Variants in KIF1B observed in about 807,000 individuals in gnomAD.
KIF1B encodes the protein kinesin family member 1B, also known as kinesin-like protein KIF1B.
A neutral mutation model predicts 241.9 loss-of-function variants in KIF1B; 76 were observed. The observed-to-expected ratio is 0.31, with a 90% confidence interval of 0.26 to 0.38. The LOEUF (loss-of-function observed/expected upper bound fraction) is 0.38. Ranked by LOEUF, KIF1B falls within the 10% of genes least tolerant of loss-of-function variation. The pLI is 1.00. For synonymous variants in KIF1B, 750 were observed against 796.7 expected, an observed-to-expected ratio of 0.94 and a Z score of 0.99; for missense variants, 1,622 against 2,271.4, an observed-to-expected ratio of 0.71 and a Z score of 5.81.
At chr1:10,272,818 T>C (rs1648877413) in intron 9 of KIF1B, among the ~76,000 whole-genome samples, 196 bp from the exon 10 acceptor site, 1 of 152,134 alleles carries the variant, frequency 6.6e-6, no homozygotes, top group Non-Finnish European at 1.5e-5. Flanking sequence ...CTTTGTTGTC[T>C]ACATTATTTA....
intron 39 of KIF1B, 107 bp from the exon 40 acceptor site, chr1:10,361,585 C>T (rs901195773): frequency 7.4e-7 from 1 of 1,353,772 alleles, no homozygotes; most frequent in Non-Finnish European, 1.0e-6. Context: ...GAGCTAAAAT[C>T]CTTCAGTTCT....
intron 32 of KIF1B, among the ~76,000 whole-genome samples, chr1:10,340,495 A>G (rs1183949983): frequency 6.6e-6 from 1 of 152,200 alleles, no homozygotes. Context: ...TTACCTTTAT[A>G]CCATAGATTA....
Position 10,374,856 on chromosome 1 carries a change from C to T in KIF1B, c.5099C>T (p.Ser1700Leu), listed in dbSNP as rs767817087. The T allele has an allele frequency of 1.2e-6, 2 of 1,613,674 alleles. No individual in the cohort carries two copies. The highest frequency in any genetic ancestry group is 3.3e-5 in the Admixed American group (2 of 59,994). ...VPDIEEIRPS[S>L]VVSKKGYLHF... ...TTTTGTCATATTGTCGTTTTTAGCT[C>T]AGTGGTCTCTAAGAAAGGATACCTT... The change falls in exon 47 of 49, where the codon TCA becomes TTA. Residue 1700 changes from serine to leucine, a missense_variant and splice_region_variant. Transcript: ENST00000676179. The surrounding 1 kb of genome is among the most constrained non-coding windows in gnomAD (Gnocchi z 4.3).
At position 10,378,216 on chromosome 1, in the gene KIF1B, G is replaced by C. The variant is rs574833964; in HGVS notation, c.*1629G>C. 7.4e-6 allele frequency: 5 copies of C among 679,838 alleles called. No homozygotes were observed. The highest frequency in any genetic ancestry group is 1.1e-5 in the Non-Finnish European group (4 of 369,938). 42.1% of individuals were successfully genotyped at this position (679,838 alleles called of 1,614,324 possible). On this transcript the variant is annotated 3_prime_UTR_variant, in exon 49 of 49. Coordinates refer to ENST00000676179, the MANE Select transcript of KIF1B (RefSeq NM_001365951.3). ...AATATGCCTAGGGGCACGGATGAACGTCCAGGGAGCCCGGGCCCCAGGCTT... is the reference window on the plus strand; with the variant it reads ...AATATGCCTAGGGGCACGGATGAACCTCCAGGGAGCCCGGGCCCCAGGCTT...
rs1652471200 is a variant in KIF1B, at chr1:10,343,358, A to G, written c.3688+71A>G. ...CATGTCTTATTCTGAATGACTTTTC[A>G]AATAGAAGTCATGTTTGAATTCCTA... On this transcript the variant is annotated intron_variant, in intron 34 of 48. Transcript: ENST00000676179. 1.3e-5 allele frequency: 18 copies of G among 1,425,760 alleles called. No homozygotes were observed. In the South Asian group the frequency reaches 2.0e-4, roughly 16 times the overall value. The allele number at this position is 1,425,760 out of a possible 1,614,324, so 88.3% of individuals were successfully genotyped here.
rs538885154 is a variant in KIF1B, at chr1:10,212,865, T to C, written c.-80+1987T>C. Among the ~76,000 whole-genome samples the C allele has an allele frequency of 2.5e-3, 357 of 142,808 alleles. 1 individual carries two copies. Among genetic ancestry groups the C allele is most frequent in the South Asian group, 0.011 (48 of 4,532 alleles). The allele number at this position is 142,808 out of a possible 152,430, so 93.7% of individuals were successfully genotyped here. On this transcript the variant is annotated intron_variant, in intron 1 of 48. Coordinates refer to ENST00000676179, the MANE Select transcript of KIF1B (RefSeq NM_001365951.3). ...CTAAAAAAAAAAATGTGTATATATA[T>C]ATGTGTGTGTGTGCATGCGTGTGTG...
chr1:10,306,021 T>C, intron 22 of KIF1B: 5 of 1,049,364 alleles, frequency 4.8e-6, no homozygotes, highest in Non-Finnish European at 5.8e-6. Flanking sequence ...GCCTTAAAGA[T>C]TGTGATTATG....
chr1:10,360,218 C>A (rs1285344920), intron 38 of KIF1B, among the ~76,000 whole-genome samples: 1 of 152,126 alleles, frequency 6.6e-6, no homozygotes, highest in East Asian at 1.9e-4. Context: ...TGACAAGTTA[C>A]CAAGCATTCA....
chr1:10,271,074 T>C (rs1352635825), intron 7 of KIF1B, among the ~76,000 whole-genome samples: 2 of 152,154 alleles, frequency 1.3e-5, no homozygotes, highest in Non-Finnish European at 2.9e-5. Context: ...ATGAGTTTTA[T>C]ATATTTTTAT....
intron 38 of KIF1B, among the ~76,000 whole-genome samples, chr1:10,353,762 G>A (rs1309168541): frequency 2.6e-5 from 4 of 152,180 alleles, no homozygotes; most frequent in Non-Finnish European, 5.9e-5. Context: ...GCTGGCAGGG[G>A]CTGTGGAGAA....
intron 1 of KIF1B, 70 bp from the exon 2 acceptor site, chr1:10,232,180 C>A: frequency 3.1e-6 from 2 of 640,218 alleles, no homozygotes; most frequent in Non-Finnish European, 5.6e-6. Context: ...GATAGTAGTT[C>A]TTATGCTTAA....
chr1:10,375,093 T>C, intron 47 of KIF1B, 47 bp downstream of exon 47: 2 of 1,586,200 alleles, frequency 1.3e-6, no homozygotes, highest in South Asian at 1.1e-5. Flanking sequence ...TGTGCCCTTC[T>C]CTTTTGATTT....
At chr1:10,352,523 C>T in intron 37 of KIF1B, 108 bp from the exon 38 acceptor site, 4 of 937,274 alleles carry the variant, frequency 4.3e-6, no homozygotes, top group South Asian at 4.0e-5. Context: ...AATGACCCTT[C>T]CAGCTCCTGA....
chr1:10,347,152 C>T (rs1232513523), intron 35 of KIF1B, among the ~76,000 whole-genome samples: 1 of 152,156 alleles, frequency 6.6e-6, no homozygotes, highest in Non-Finnish European at 1.5e-5. Context: ...AGGACAGAGG[C>T]AAGGGGCTGT....
At chr1:10,245,777 G>T (rs1288431743) in intron 2 of KIF1B, among the ~76,000 whole-genome samples, 3 of 152,174 alleles carry the variant, frequency 2.0e-5, no homozygotes. Flanking sequence ...CATTCTTCTA[G>T]AGAGTCCTGT....
At chr1:10,300,302 G>T (rs569071878) in intron 22 of KIF1B, among the ~76,000 whole-genome samples, 1 of 149,114 alleles carries the variant, frequency 6.7e-6, no homozygotes, top group South Asian at 2.1e-4. Flanking sequence ...TTTTGACATG[G>T]AGATAGGATT....
At chr1:10,294,406 TG>T (rs144639779) in intron 17 of KIF1B, among the ~76,000 whole-genome samples, 5,361 of 151,754 alleles carry the variant, frequency 0.035, 115 homozygotes, top group Middle Eastern at 0.13. Context: ...TGGGAAGTGG[TG>T]GGGGGGTATG....
Position 10,309,706 on chromosome 1 carries a change from A to G in KIF1B, c.2116-10337A>G, listed in dbSNP as rs113022853. ...CTCTTTGCTTCTATTCTTGACCCCT[A>G]TAATCCAATGTCCACATAGCAACCA... On this transcript the variant is annotated intron_variant, in intron 22 of 48. Transcript: ENST00000676179. Among the ~76,000 whole-genome samples the G allele has an allele frequency of 1.6e-3, 246 of 151,572 alleles. 12 individuals are homozygous for G. The highest frequency in any genetic ancestry group is 5.8e-3 in the African/African-American group (236 of 40,898).
At position 10,343,243 on chromosome 1, in the gene KIF1B, C is replaced by A. The variant is rs369255811; in HGVS notation, c.3644C>A (p.Pro1215Gln). Residue 1215 changes from proline (P) to glutamine (Q), a missense_variant, in exon 34 of 49, where the codon CCG (proline) becomes CAG (glutamine). Physicochemically the swap from Pro to Gln is moderately conservative, Grantham distance 76. Around this residue, in one of 7 missense-constraint regions of KIF1B, gnomAD observed 803 missense variants for 1,112.0 expected, o/e 0.72. Transcript: ENST00000676179. ...TCCTTTCTTTGCAGTCCGCCTCAGC[C>A]GTGCCGCCGATTCTTCCCTCCACCC... ...QGQELNSPPQ[P>Q]CRRFFPPPMP... 6.8e-6 allele frequency: 11 copies of A among 1,614,054 alleles called. No homozygotes were observed. The highest frequency in any genetic ancestry group is 9.3e-6 in the Non-Finnish European group (11 of 1,180,022).
Sources: gnomAD v4.1 joint callset for allele counts (sites outside exome capture counted in the v4.1 genomes callset) on GRCh38, gnomAD v4.1.1 for gene constraint, gnomAD v4.1.1 regional missense constraint, Gnocchi (gnomAD v3.1) non-coding constraint, MANE v1.5 for transcripts, NCBI Gene and HGNC (gene_info 2026-07-23, HGNC 2026-07-21) for gene names.